The following RAB36 variants were observed in gnomAD, a reference collection of about 807,000 sequenced individuals.
RAB36 encodes the protein RAB36, member RAS oncogene family.
RAB36 carries 33 observed loss-of-function variants against 39.3 expected under a neutral mutation model. The observed-to-expected ratio is 0.84, with a 90% CI of 0.64 to 1.12. The LOEUF (loss-of-function observed/expected upper bound fraction) is 1.12. Ranked by LOEUF, RAB36 falls within the 50% of genes most tolerant of loss-of-function variation. The pLI, the probability that RAB36 is intolerant of heterozygous loss-of-function variation, is 0.00. For missense variants in RAB36, 308 were observed against 355.3 expected (o/e 0.87, Z 1.07); for synonymous variants, 133 against 140.2 (o/e 0.95, Z 0.36).
At chr22:23,145,661 C>A (rs904664973) in intron 1 of RAB36, 110 bp downstream of exon 1, 2 of 1,276,902 alleles carry the variant, frequency 1.6e-6, no homozygotes, top group Non-Finnish European at 2.1e-6. Flanking sequence ...CTTCCCGCCC[C>A]TATAACTTGA....
intron 6 of RAB36, 57 bp downstream of exon 6, chr22:23,156,089 G>A: frequency 6.7e-7 from 1 of 1,491,582 alleles, no homozygotes; most frequent in Non-Finnish European, 9.2e-7. Flanking sequence ...TCCCTGCCGG[G>A]CTCCACAGTG....
Position 23,157,376 on chromosome 22 carries a change from G to A in RAB36, c.395-616G>A, listed in dbSNP as rs529288766. On this transcript the variant is annotated intron_variant, in intron 6 of 10. Coordinates refer to ENST00000263116, the MANE Select transcript of RAB36 (RefSeq NM_004914.5). The stretch of plus-strand genomic sequence containing the variant: ...CAACATTCTCCTCCCTCAGCCTCCC[G>A]AGTAGCTGGGACTGCAGGTGCCGGC... Among the ~76,000 whole-genome samples, 414 of 151,864 alleles carry A rather than the reference G, an allele frequency of 2.7e-3. 4 individuals carry two copies. Among genetic ancestry groups the A allele is most frequent in the African/African-American group, 9.6e-3 (398 of 41,380 alleles).
At chr22:23,150,027 G>A (rs753730123) in intron 2 of RAB36, 36 bp from the exon 3 acceptor site, 10 of 1,521,788 alleles carry the variant, frequency 6.6e-6, no homozygotes, top group African/African-American at 1.4e-5. Flanking sequence ...CCACAGCTTT[G>A]CAGGATGATG....
In RAB36 at chr22:23,163,171, G is replaced by A. The variant is rs1807706; in HGVS notation, c.*1607G>A. 82,511 of 164,392 alleles carry A rather than the reference G, an allele frequency of 0.5. 20,939 individuals are homozygous for A. Among genetic ancestry groups the A allele is most frequent in the East Asian group, 0.64 (3,390 of 5,338 alleles). 10.2% of individuals were successfully genotyped at this position (164,392 alleles called of 1,614,324 possible). On this transcript the variant is annotated 3_prime_UTR_variant, in exon 11 of 11. Coordinates refer to ENST00000263116, the MANE Select transcript of RAB36 (RefSeq NM_004914.5). Reference sequence around the variant, plus strand: ...GGTGACCTGCCCACCTCGGCCTCCCGAAGTGCTGGGATTACAAGGGTGAGC... The same window carrying A: ...GGTGACCTGCCCACCTCGGCCTCCCAAAGTGCTGGGATTACAAGGGTGAGC...
rs1263794901 is a variant in RAB36 at position 23,145,530 on chromosome 22, C to G, written c.-34C>G. The G allele has an allele frequency of 6.2e-7, 1 of 1,602,938 alleles. No homozygotes were observed. ...CAGGCGGACCAGGCCGCGCGGAGCC[C>G]CAGCTTTCACAGCCATCGCTGGTGA... is the stretch of plus-strand genomic sequence containing the variant. On this transcript the variant is annotated 5_prime_UTR_variant, in exon 1 of 11. Coordinates refer to ENST00000263116, the MANE Select transcript of RAB36 (RefSeq NM_004914.5).
chr22:23,146,126 C>T, intron 1 of RAB36: 1 of 565,012 alleles, frequency 1.8e-6, no homozygotes, highest in East Asian at 1.5e-4. Flanking sequence ...CCTGGTTCCC[C>T]CATACCATGC....
intron 5 of RAB36, chr22:23,153,399 C>T (rs2071275044): frequency 4.4e-6 from 1 of 227,678 alleles, no homozygotes; most frequent in Non-Finnish European, 7.3e-6. Context: ...CCCCAATGCC[C>T]ACCCCACTCC....
At chr22:23,150,552 C>T (rs949607515) in intron 3 of RAB36, among the ~76,000 whole-genome samples, 1 of 151,948 alleles carries the variant, frequency 6.6e-6, no homozygotes, top group Non-Finnish European at 1.5e-5. Flanking sequence ...CAGCCTGCCT[C>T]GGCCTCCCAA....
chr22:23,145,440 G>C, upstream of RAB36: 1 of 1,610,748 alleles, frequency 6.2e-7, no homozygotes, highest in Non-Finnish European at 8.5e-7. Context: ...CCACGACGTC[G>C]ACGATTCGTG....
At chr22:23,157,904 GT>G (rs1242646609) in intron 6 of RAB36, 87 bp from the exon 7 acceptor site, 1 of 1,594,748 alleles carries the variant, frequency 6.3e-7, no homozygotes, top group African/African-American at 1.3e-5. Flanking sequence ...TGCCCTGGCA[GT>G]TCCTTGGGAG....
At chr22:23,146,496 G>T in intron 1 of RAB36, 109 bp from the exon 2 acceptor site, 1 of 1,453,704 alleles carries the variant, frequency 6.9e-7, no homozygotes, top group Non-Finnish European at 9.1e-7. Context: ...ACAGGCATGA[G>T]CCACTGCACC....
At chr22:23,157,848 G>T in intron 6 of RAB36, 144 bp from the exon 7 acceptor site, 2 of 1,536,816 alleles carry the variant, frequency 1.3e-6, no homozygotes, top group Non-Finnish European at 1.7e-6. Context: ...TTCCTCCTCA[G>T]CCTTCATTGT....
In RAB36 at chr22:23,164,679, C is replaced by T. The variant is rs2071995838; in HGVS notation, c.*3115C>T. On this transcript the variant is annotated 3_prime_UTR_variant, in exon 11 of 11. Transcript: ENST00000263116. ...TGCAGCCAAGGTGCGGCAATGACCACAGTGACCGCGTCCAAGTGCTGCCGA... is the reference window on the plus strand; with the variant it reads ...TGCAGCCAAGGTGCGGCAATGACCATAGTGACCGCGTCCAAGTGCTGCCGA... 6.6e-6 allele frequency among the ~76,000 whole-genome samples: 1 copy of T among 152,196 alleles called. No individual in the cohort carries two copies. Among genetic ancestry groups the T allele is most frequent in the Non-Finnish European group, 1.5e-5 (1 of 68,034 alleles).
Position 23,161,606 on chromosome 22 carries a change from G to A in RAB36, c.*42G>A, listed in dbSNP as rs368089569. On this transcript the variant is annotated 3_prime_UTR_variant, in exon 11 of 11. Transcript: ENST00000263116. The stretch of plus-strand genomic sequence containing the variant: ...AGGCCTCCGCTCCCTGCACACACAC[G>A]GACAGGAATTTCCGTGACTGTGGTG... The A allele has an allele frequency of 1.9e-4, 290 of 1,503,494 alleles. No individual in the cohort carries two copies. In the African/African-American group the frequency reaches 3.2e-3, roughly 17 times the overall value. The allele number at this position is 1,503,494 out of a possible 1,614,324, so 93.1% of individuals were successfully genotyped here.
chr22:23,157,887 G>C (rs1415914927), intron 6 of RAB36, 105 bp from the exon 7 acceptor site: 3 of 1,579,968 alleles, frequency 1.9e-6, no homozygotes, highest in African/African-American at 2.7e-5. Context: ...GTGCCTGGTT[G>C]GGGGGCTGCC....
At position 23,156,019 on chromosome 22, in the gene RAB36, C is replaced by T. The variant is rs371299556; in HGVS notation, c.381C>T (p.Tyr127=). The T allele has an allele frequency of 1.9e-6, 3 of 1,612,546 alleles. No homozygotes were observed. Among genetic ancestry groups the T allele is most frequent in the Non-Finnish European group, 2.5e-6 (3 of 1,179,276 alleles). Residue 127 remains tyrosine, a synonymous_variant, in exon 6 of 11, where the codon TAC becomes TAT. Transcript: ENST00000263116. ...TCAAGTGCATCGCATCTGCCTACTA[C>T]CGGGGTGCCCAGGGTGAGCAACATG... is the stretch of plus-strand genomic sequence containing the variant. ...EKFKCIASAY[Y]RGAQVIITAF...
At chr22:23,166,810 C>G (rs1048865789), downstream of RAB36, among the ~76,000 whole-genome samples, 1 of 152,196 alleles carries the variant, frequency 6.6e-6, no homozygotes, top group African/African-American at 2.4e-5. Context: ...CACCCACCAC[C>G]CACTGGAACC....
chr22:23,159,106 CT>C lies in RAB36; in HGVS notation c.529-56del, dbSNP rs142598228. The C allele has an allele frequency of 8.4e-4, 1,336 of 1,595,616 alleles. 9 individuals carry two copies. In the African/African-American group the frequency reaches 0.016, roughly 19 times the overall value. Reference sequence around the variant, plus strand: ...GGGAAGCAGGCAGCTGCCTATCCCCCTGGGCCTCCCTGCAGGAGAGCCGGGA... The same window carrying C: ...GGGAAGCAGGCAGCTGCCTATCCCCCGGGCCTCCCTGCAGGAGAGCCGGGA... On this transcript the variant is annotated intron_variant, in intron 8 of 10. Coordinates refer to ENST00000263116, the MANE Select transcript of RAB36 (RefSeq NM_004914.5).
upstream of RAB36, chr22:23,145,332 GC>G (rs757802962): frequency 3.9e-6 from 6 of 1,519,636 alleles, no homozygotes; most frequent in South Asian, 1.1e-5. Flanking sequence ...TCTGCTGCCA[GC>G]CCCGCCCAGA....
Sources: allele counts gnomAD v4.1 joint callset (sites outside exome capture counted in the v4.1 genomes callset), GRCh38; gene constraint gnomAD v4.1.1; transcripts MANE v1.5; gene names NCBI Gene and HGNC (gene_info 2026-07-23, HGNC 2026-07-21).